HRH2: variants seen among roughly 807,000 people sequenced by gnomAD.
The protein encoded by HRH2 is histamine receptor H2, also known as histamine H2 receptor.
A neutral mutation model predicts 20.1 loss-of-function variants in HRH2; 4 were observed. The ratio of observed to expected loss-of-function variants is 0.20; its 90% CI spans 0.10 to 0.45. HRH2 has a LOEUF of 0.45. Among genes scored for constraint, HRH2 ranks in the 20% least tolerant of loss-of-function variants. HRH2 has a pLI of 0.99. For missense variants in HRH2, 250 were observed against 461.6 expected (o/e 0.54, Z 4.20); for synonymous variants, 197 against 200.7 (o/e 0.98, Z 0.16).
intron 2 of HRH2, among the ~76,000 whole-genome samples, chr5:175,697,982 T>C (rs1003141203): frequency 2.0e-5 from 3 of 152,152 alleles, no homozygotes; most frequent in Admixed American, 6.5e-5. Context: ...GAGCCAGAAA[T>C]GGCCATACAA....
intron 1 of HRH2, among the ~76,000 whole-genome samples, chr5:175,670,667 C>G (rs1287290838): frequency 6.6e-6 from 1 of 152,238 alleles, no homozygotes; most frequent in Non-Finnish European, 1.5e-5. Flanking sequence ...CCGCCACAGC[C>G]AGGCTGCAAA....
Position 175,694,475 on chromosome 5 carries a change from A to G in HRH2, c.1076+10166A>G, listed in dbSNP as rs112480957. ...CGGCTCCTGGGCTCTCCCTGGCCCT[A>G]TCCAAAGCCAGCTACATCCCCCTGC... On this transcript the variant is annotated intron_variant, in intron 2 of 2. Transcript: ENST00000636584. 1.6e-3 allele frequency among the ~76,000 whole-genome samples: 237 copies of G among 152,168 alleles called. 1 individual carries two copies. The highest frequency in any genetic ancestry group is 5.4e-3 in the African/African-American group (225 of 41,516).
Position 175,693,770 on chromosome 5 carries a change from G to T in HRH2, c.1076+9461G>T, listed in dbSNP as rs766156001. Among the ~76,000 whole-genome samples, 2 of 152,152 alleles carry T rather than the reference G, an allele frequency of 1.3e-5. No individual in the cohort carries two copies. The highest frequency in any genetic ancestry group is 2.9e-5 in the Non-Finnish European group (2 of 68,028). On this transcript the variant is annotated intron_variant, in intron 2 of 2. Coordinates refer to ENST00000636584, the MANE Select transcript of HRH2 (RefSeq NM_001367711.1). The surrounding 1 kb of genome is among the most constrained non-coding windows in gnomAD (Gnocchi z 4.4). ...GCAGACATGGCCTTAATGTCATGGT[G>T]GTAAGAGGATGCACATGCTCTTGTT... is the stretch of plus-strand genomic sequence containing the variant.
Position 175,677,842 on chromosome 5 carries a change from G to A in HRH2, c.-525-4867G>A, listed in dbSNP as rs553583987. 1.8e-4 allele frequency among the ~76,000 whole-genome samples: 28 copies of A among 152,288 alleles called. No homozygotes were observed. Among genetic ancestry groups the A allele is most frequent in the African/African-American group, 6.5e-4 (27 of 41,564 alleles). On this transcript the variant is annotated intron_variant, in intron 1 of 2. Coordinates refer to ENST00000636584, the MANE Select transcript of HRH2 (RefSeq NM_001367711.1). This position sits in a 1 kb window ranked among gnomAD's most constrained non-coding sequence, Gnocchi z 4.2. ...TCTGCAGCAGGAGGTCAGGGACCCT[G>A]CGCCACTTTTCCCGCCTTCCAATCA...
At chr5:175,667,451 C>G (rs7731998) in intron 1 of HRH2, among the ~76,000 whole-genome samples, 8,076 of 125,792 alleles carry the variant, frequency 0.064, 272 homozygotes, top group East Asian at 0.19. Context: ...TCCCTCCCCC[C>G]ACCCCCCAAA....
chr5:175,675,382 C>T (rs1189103200), intron 1 of HRH2, among the ~76,000 whole-genome samples: 2 of 152,218 alleles, frequency 1.3e-5, no homozygotes, highest in African/African-American at 4.8e-5. Context: ...AACTCCCAAG[C>T]ACTCCATCCC....
chr5:175,669,108 G>A (rs544340287), intron 1 of HRH2, among the ~76,000 whole-genome samples: 50 of 151,992 alleles, frequency 3.3e-4, no homozygotes, highest in Non-Finnish European at 4.4e-4. Context: ...GCCTTCCAAA[G>A]TGCTGGGATT....
At chr5:175,684,809 G>A (rs2241562) in intron 2 of HRH2, among the ~76,000 whole-genome samples, 1 of 152,136 alleles carries the variant, frequency 6.6e-6, no homozygotes. Flanking sequence ...TCTTACCGTG[G>A]GGGGGGTGTA....
chr5:175,683,494 C>T lies in HRH2; in HGVS notation c.261C>T (p.Gly87=). Residue 87 remains glycine (G), a synonymous_variant, in exon 2 of 3, where the codon GGC becomes GGT. Transcript: ENST00000636584. ...AGCTGTCCTGCAAGTGGAGCTTTGG[C>T]AAGGTCTTCTGCAATATCTACACCA... ...IYQLSCKWSF[G]KVFCNIYTSL... 1 of 1,613,928 alleles carries T rather than the reference C, an allele frequency of 6.2e-7. No homozygotes were observed. Among genetic ancestry groups the T allele is most frequent in the Non-Finnish European group, 8.5e-7 (1 of 1,179,968 alleles).
chr5:175,692,004 C>A (rs1446321115), intron 2 of HRH2, among the ~76,000 whole-genome samples: 2 of 152,202 alleles, frequency 1.3e-5, no homozygotes, highest in African/African-American at 4.8e-5. Context: ...GCCCTTGACC[C>A]CTTCACCTGA....
At chr5:175,678,437 A>C (rs1300364957) in intron 1 of HRH2, among the ~76,000 whole-genome samples, 1 of 152,202 alleles carries the variant, frequency 6.6e-6, no homozygotes, top group Non-Finnish European at 1.5e-5. Context: ...ACCATTTTAC[A>C]CATGAGAAAA....
intron 1 of HRH2, among the ~76,000 whole-genome samples, chr5:175,679,623 C>T (rs1408242888): frequency 6.6e-6 from 1 of 152,184 alleles, no homozygotes; most frequent in Non-Finnish European, 1.5e-5. Flanking sequence ...ATTACTCCTG[C>T]TTTTAGGCAT....
At chr5:175,678,888 G>T (rs185573092) in intron 1 of HRH2, among the ~76,000 whole-genome samples, 78 of 152,362 alleles carry the variant, frequency 5.1e-4, no homozygotes, top group Admixed American at 1.3e-3. Context: ...AGAGGGAAAA[G>T]AAAGTATTGG....
intron 1 of HRH2, among the ~76,000 whole-genome samples, chr5:175,670,253 T>A (rs1755477948): frequency 1.3e-5 from 2 of 151,972 alleles, no homozygotes; most frequent in African/African-American, 4.8e-5. Flanking sequence ...GGCAACATAG[T>A]GAGACCCTGC....
At chr5:175,696,675 C>T (rs1756593433) in intron 2 of HRH2, among the ~76,000 whole-genome samples, 1 of 152,170 alleles carries the variant, frequency 6.6e-6, no homozygotes, top group African/African-American at 2.4e-5. Flanking sequence ...AGGGGCTCCG[C>T]AGGAAGTAGG....
rs575897254 is a variant in HRH2 at position 175,673,862 on chromosome 5, G to A, written c.-525-8847G>A. Among the ~76,000 whole-genome samples the A allele has an allele frequency of 3.3e-5, 5 of 151,876 alleles. No individual in the cohort carries two copies. In the East Asian group the frequency reaches 7.8e-4, roughly 24 times the overall value. ...TTGGATTACAGATGCCCGCCACCAC[G>A]CCCTGCTAATTTTTATATTTTTAGT... On this transcript the variant is annotated intron_variant, in intron 1 of 2. Transcript: ENST00000636584.
intron 1 of HRH2, among the ~76,000 whole-genome samples, chr5:175,668,473 C>G (rs868689589): frequency 2.6e-5 from 4 of 152,132 alleles, no homozygotes. Context: ...ACCCCATACA[C>G]GTGTCAACTC....
intron 1 of HRH2, among the ~76,000 whole-genome samples, chr5:175,680,129 C>A (rs1201320731): frequency 6.6e-6 from 1 of 152,228 alleles, no homozygotes. Flanking sequence ...CTGCAGTTGG[C>A]AGCTTAGGTT....
At chr5:175,698,458 C>T (rs1346288184) in intron 2 of HRH2, among the ~76,000 whole-genome samples, 2 of 152,176 alleles carry the variant, frequency 1.3e-5, no homozygotes, top group Non-Finnish European at 2.9e-5. Flanking sequence ...GTTAAACGCA[C>T]ACACTTGTTC....
Sources: gnomAD v4.1 joint callset for allele counts (sites outside exome capture counted in the v4.1 genomes callset) on GRCh38, gnomAD v4.1.1 for gene constraint, Gnocchi (gnomAD v3.1) non-coding constraint, MANE v1.5 for transcripts, NCBI Gene and HGNC (gene_info 2026-07-23, HGNC 2026-07-21) for gene names.